LHFPL3: variants seen among roughly 807,000 people sequenced by gnomAD.
LHFPL3 encodes the protein LHFPL tetraspan subfamily member 3 protein.
Under a neutral mutation model 19.3 loss-of-function variants are expected in LHFPL3, and 5 were observed. That is an observed-to-expected ratio of 0.26 (90% CI 0.14 to 0.54). The LOEUF is 0.54. Among genes scored for constraint, LHFPL3 ranks in the 20% least tolerant of loss-of-function variants. LHFPL3 has a pLI of 0.94. For missense variants in LHFPL3, 249 were observed against 307.4 expected (o/e 0.81, Z 1.42); for synonymous variants, 133 against 126.2 (o/e 1.05, Z -0.36).
chr7:104,460,903 G>A (rs201982704), intron 1 of LHFPL3, among the ~76,000 whole-genome samples: 3 of 152,046 alleles, frequency 2.0e-5, no homozygotes, highest in Admixed American at 6.6e-5. Context: ...CATCTTTATC[G>A]TGAAATCTTT....
At chr7:104,653,680 A>T (rs1792073272) in intron 1 of LHFPL3, among the ~76,000 whole-genome samples, 1 of 152,212 alleles carries the variant, frequency 6.6e-6, no homozygotes, top group East Asian at 1.9e-4. Context: ...GACCCCATCC[A>T]TGTGTACAGG....
At chr7:104,781,516 T>C (rs1794714437) in intron 2 of LHFPL3, among the ~76,000 whole-genome samples, 1 of 152,110 alleles carries the variant, frequency 6.6e-6, no homozygotes, top group South Asian at 2.1e-4. Flanking sequence ...CTTCACCCTC[T>C]CCTGCATTTT....
intron 1 of LHFPL3, among the ~76,000 whole-genome samples, chr7:104,408,774 T>C (rs1476693391): frequency 6.6e-6 from 1 of 151,922 alleles, no homozygotes; most frequent in Non-Finnish European, 1.5e-5. Context: ...TTGGAATGAG[T>C]ACCGTGATAG....
Position 104,790,953 on chromosome 7 carries a change from C to T in LHFPL3, c.682+54042C>T, listed in dbSNP as rs112579807. ...ATTATTAAGTCATTTGGTCTTTCTC[C>T]ACATGGTTGACCTAAATGAAAAGCA... On this transcript the variant is annotated intron_variant, in intron 2 of 2. Coordinates refer to ENST00000424859, the MANE Select transcript of LHFPL3 (RefSeq NM_199000.3). 2.0e-5 allele frequency among the ~76,000 whole-genome samples: 3 copies of T among 152,282 alleles called. 1 individual carries two copies. The highest frequency in any genetic ancestry group is 4.8e-5 in the African/African-American group (2 of 41,564).
At chr7:104,792,822 G>T (rs1379484093) in intron 2 of LHFPL3, among the ~76,000 whole-genome samples, 4 of 152,300 alleles carry the variant, frequency 2.6e-5, no homozygotes, top group Admixed American at 2.6e-4. Flanking sequence ...AGAAGGATGT[G>T]TGACCAAAAG....
chr7:104,805,329 G>A (rs1790337839), intron 2 of LHFPL3, among the ~76,000 whole-genome samples: 1 of 152,164 alleles, frequency 6.6e-6, no homozygotes, highest in African/African-American at 2.4e-5. Context: ...GAACTAAAGG[G>A]TATACAAGCA....
intron 1 of LHFPL3, among the ~76,000 whole-genome samples, chr7:104,362,992 G>A (rs1584267722): frequency 6.6e-6 from 1 of 152,226 alleles, no homozygotes; most frequent in South Asian, 2.1e-4. Context: ...CAATGCTAAT[G>A]TTCTCTATAG....
intron 2 of LHFPL3, among the ~76,000 whole-genome samples, chr7:104,754,904 C>G (rs1393077464): frequency 6.6e-6 from 1 of 152,086 alleles, no homozygotes; most frequent in African/African-American, 2.4e-5. Flanking sequence ...CCTAGTGCTA[C>G]AGAAGTTCTC....
At chr7:104,802,320 C>A (rs1380286349) in intron 2 of LHFPL3, among the ~76,000 whole-genome samples, 1 of 151,752 alleles carries the variant, frequency 6.6e-6, no homozygotes, top group Non-Finnish European at 1.5e-5. Context: ...CATGGTGAAA[C>A]CCTGCCTCTA....
intron 1 of LHFPL3, among the ~76,000 whole-genome samples, chr7:104,453,014 T>C (rs73179945): frequency 2.0e-4 from 30 of 152,296 alleles, no homozygotes; most frequent in South Asian, 4.1e-4. Context: ...CCCGTGCTTA[T>C]ATACAGAAAG....
At chr7:104,669,338 T>C in intron 1 of LHFPL3, 1 of 1,613,558 alleles carries the variant, frequency 6.2e-7, no homozygotes, top group South Asian at 1.1e-5. Flanking sequence ...GTAGATGGGA[T>C]GAATGTCCCA....
At chr7:104,364,119 T>G (rs1790440772) in intron 1 of LHFPL3, among the ~76,000 whole-genome samples, 1 of 152,188 alleles carries the variant, frequency 6.6e-6, no homozygotes, top group Non-Finnish European at 1.5e-5. Context: ...CATGCAAAAC[T>G]AACCTTGAGA....
intron 1 of LHFPL3, among the ~76,000 whole-genome samples, chr7:104,397,181 A>G (rs1234427193): frequency 6.6e-6 from 1 of 152,170 alleles, no homozygotes; most frequent in Non-Finnish European, 1.5e-5. Flanking sequence ...TCAAATAATT[A>G]GTAGCAAGTG....
intron 1 of LHFPL3, among the ~76,000 whole-genome samples, chr7:104,603,944 A>T (rs180738299): frequency 4.6e-5 from 7 of 152,270 alleles, no homozygotes; most frequent in African/African-American, 1.7e-4. Context: ...TTGGAGTTTC[A>T]TGCCTGCAGC....
intron 1 of LHFPL3, among the ~76,000 whole-genome samples, chr7:104,587,296 T>A (rs1398156905): frequency 6.6e-6 from 1 of 152,072 alleles, no homozygotes; most frequent in African/African-American, 2.4e-5. Context: ...TAGGCCCCAG[T>A]GTGTGATGTT....
intron 1 of LHFPL3, among the ~76,000 whole-genome samples, chr7:104,695,795 G>C (rs887461758): frequency 2.0e-5 from 3 of 152,164 alleles, no homozygotes; most frequent in Non-Finnish European, 2.9e-5. Flanking sequence ...TAAGCAGAAG[G>C]CCTGGAAATT....
At chr7:104,813,010 G>A (rs1038517466) in intron 2 of LHFPL3, among the ~76,000 whole-genome samples, 3 of 150,800 alleles carry the variant, frequency 2.0e-5, no homozygotes, top group African/African-American at 2.4e-5. Flanking sequence ...CAAGTCAGGG[G>A]GGCTGAGGCA....
At chr7:104,631,184 C>T (rs1791633839) in intron 1 of LHFPL3, among the ~76,000 whole-genome samples, 1 of 152,170 alleles carries the variant, frequency 6.6e-6, no homozygotes, top group South Asian at 2.1e-4. Context: ...ATGCCCAGCT[C>T]AATTTCTGCA....
intron 1 of LHFPL3, among the ~76,000 whole-genome samples, chr7:104,684,849 A>G (rs908274347): frequency 7.9e-5 from 12 of 152,146 alleles, no homozygotes; most frequent in African/African-American, 2.9e-4. Context: ...TCTTTATTCT[A>G]TTTTGAAAAC....
Sources: gnomAD v4.1 joint callset for allele counts (sites outside exome capture counted in the v4.1 genomes callset) on GRCh38, gnomAD v4.1.1 for gene constraint, MANE v1.5 for transcripts, NCBI Gene and HGNC (gene_info 2026-07-23, HGNC 2026-07-21) for gene names.